Variants in RGL1 observed in about 807,000 individuals in gnomAD.
The protein encoded by RGL1 is ral guanine nucleotide dissociation stimulator like 1.
RGL1 carries 24 observed loss-of-function variants against 95.2 expected under a neutral mutation model. The ratio of observed to expected loss-of-function variants is 0.25; its 90% CI spans 0.18 to 0.35. RGL1 has a LOEUF of 0.35. Ranked by LOEUF, RGL1 falls within the 10% of genes least tolerant of loss-of-function variation. RGL1 has a pLI of 1.00. For synonymous variants in RGL1, 329 were observed against 344.9 expected (o/e 0.95, Z 0.51); for missense variants, 715 against 936.3 (o/e 0.76, Z 3.08).
chr1:183,816,180 A>C (rs996855723), intron 2 of RGL1, among the ~76,000 whole-genome samples: 1 of 152,186 alleles, frequency 6.6e-6, no homozygotes, highest in Non-Finnish European at 1.5e-5. Context: ...CAGTTTTCTA[A>C]AGTAATTTGT....
At chr1:183,756,061 T>C (rs1658315734) in intron 2 of RGL1, among the ~76,000 whole-genome samples, 1 of 152,010 alleles carries the variant, frequency 6.6e-6, no homozygotes, top group Non-Finnish European at 1.5e-5. Context: ...TTTTTTGTAT[T>C]TTTAGTAAAG....
rs765773266 is a variant in RGL1, at chr1:183,892,065, C to A, written c.1056-12C>A. The A allele has an allele frequency of 7.8e-5, 125 of 1,601,462 alleles. 2 individuals carry two copies. In the South Asian group the frequency reaches 1.4e-3, roughly 18 times the overall value. On this transcript the variant is annotated splice_polypyrimidine_tract_variant and intron_variant, in intron 8 of 17. Transcript: ENST00000360851. Reference sequence around the variant, plus strand: ...TCTTCATTGTTAATATTTTCTTAATCCCTTTTCATAGGGACCGAATGCTGA... The same window carrying A: ...TCTTCATTGTTAATATTTTCTTAATACCTTTTCATAGGGACCGAATGCTGA...
chr1:183,647,923 G>C, intron 1 of RGL1: 1 of 1,614,224 alleles, frequency 6.2e-7, no homozygotes, highest in Non-Finnish European at 8.5e-7. Flanking sequence ...GGAGCCCTGA[G>C]GTCTGGAGGT....
At chr1:183,641,554 GC>G (rs144754165) in intron 1 of RGL1, among the ~76,000 whole-genome samples, 10,440 of 151,730 alleles carry the variant, frequency 0.069, 621 homozygotes, top group African/African-American at 0.16. Flanking sequence ...ACAGGCATGA[GC>G]CCCCCCCACC....
At chr1:183,756,279 G>A (rs1464675183) in intron 2 of RGL1, among the ~76,000 whole-genome samples, 1 of 151,764 alleles carries the variant, frequency 6.6e-6, no homozygotes, top group Admixed American at 6.6e-5. Context: ...TTAAAGGAAA[G>A]GTAGAAACTA....
At chr1:183,878,733 T>A (rs1666660805) in intron 4 of RGL1, among the ~76,000 whole-genome samples, 1 of 152,210 alleles carries the variant, frequency 6.6e-6, no homozygotes, top group South Asian at 2.1e-4. Flanking sequence ...TTAGCATCAC[T>A]GACTCTTACC....
intron 1 of RGL1, among the ~76,000 whole-genome samples, chr1:183,717,276 C>T (rs1421995827): frequency 6.6e-6 from 1 of 152,188 alleles, no homozygotes; most frequent in Non-Finnish European, 1.5e-5. Context: ...ACTCAGCCTG[C>T]ATCTTGCATA....
At chr1:183,818,883 A>C (rs10752921) in intron 2 of RGL1, among the ~76,000 whole-genome samples, 70,023 of 152,062 alleles carry the variant, frequency 0.46, 17,422 homozygotes, top group Non-Finnish European at 0.56. Flanking sequence ...ATAACAATAA[A>C]AAAAAGAAAG....
intron 1 of RGL1, among the ~76,000 whole-genome samples, chr1:183,666,052 C>A (rs1338724221): frequency 7.0e-6 from 1 of 143,468 alleles, no homozygotes; most frequent in Non-Finnish European, 1.5e-5. Context: ...TTTGCCCAGG[C>A]TGGAGTGCAA....
Position 183,757,186 on chromosome 1 carries a change from G to A in RGL1, c.132+14897G>A, listed in dbSNP as rs12031450. 1.2e-3 allele frequency among the ~76,000 whole-genome samples: 188 copies of A among 152,300 alleles called. 6 individuals are homozygous for A. In the East Asian group the frequency reaches 0.034, roughly 27 times the overall value. ...CGTGAAATTAAACTGGCGAATGTCT[G>A]TATGGAGACTGGACATATGACCTCT... is the stretch of plus-strand genomic sequence containing the variant. On this transcript the variant is annotated intron_variant, in intron 2 of 18. Coordinates refer to the RGL1 transcript ENST00000304685.
At chr1:183,911,201 A>T (rs1668623402) in intron 14 of RGL1, among the ~76,000 whole-genome samples, 1 of 152,174 alleles carries the variant, frequency 6.6e-6, no homozygotes, top group Non-Finnish European at 1.5e-5. Flanking sequence ...CCCATAGACC[A>T]CATAAATAGC....
At chr1:183,901,633 T>C (rs575538351) in intron 11 of RGL1, among the ~76,000 whole-genome samples, 5 of 152,150 alleles carry the variant, frequency 3.3e-5, no homozygotes, top group Non-Finnish European at 7.4e-5. Flanking sequence ...CTGCCTGCTG[T>C]GGGGTATTTT....
chr1:183,678,570 T>G (rs1390862440), intron 1 of RGL1, among the ~76,000 whole-genome samples: 1 of 152,042 alleles, frequency 6.6e-6, no homozygotes, highest in Non-Finnish European at 1.5e-5. Flanking sequence ...GTTGGTGAGT[T>G]GAGCTACTTT....
chr1:183,775,172 T>C (rs960165623), intron 2 of RGL1, among the ~76,000 whole-genome samples: 15 of 152,216 alleles, frequency 9.9e-5, no homozygotes, highest in African/African-American at 3.6e-4. Flanking sequence ...ACTGTCTCAG[T>C]GATTGACTTT....
chr1:183,812,144 C>CACT lies in RGL1; in HGVS notation c.138+5662_138+5664dup, dbSNP rs1410437445. On this transcript the variant is annotated intron_variant, in intron 2 of 17. Transcript: ENST00000360851. The stretch of plus-strand genomic sequence containing the variant: ...TTTTATGTTAAGATATGCAAAAATG[C>CACT]ACTACATAGTAAAACATTCTAATTT... Among the ~76,000 whole-genome samples, 10 of 152,266 alleles carry CACT rather than the reference C, an allele frequency of 6.6e-5. 1 individual carries two copies. The South Asian group carries it at 1.9e-3, about 28-fold the overall frequency.
At chr1:183,913,410 G>C (rs181893499) in intron 15 of RGL1, among the ~76,000 whole-genome samples, 1 of 151,792 alleles carries the variant, frequency 6.6e-6, no homozygotes, top group African/African-American at 2.4e-5. Flanking sequence ...TGGCCAGGTT[G>C]GTCTCACACC....
At chr1:183,734,196 T>C (rs190515433) in intron 1 of RGL1, among the ~76,000 whole-genome samples, 2 of 152,352 alleles carry the variant, frequency 1.3e-5, no homozygotes, top group Admixed American at 6.5e-5. Context: ...TCTAGATCTT[T>C]GCATTCCTCC....
intron 8 of RGL1, among the ~76,000 whole-genome samples, chr1:183,891,665 C>T (rs913410644): frequency 9.3e-5 from 14 of 150,902 alleles, no homozygotes; most frequent in Non-Finnish European, 1.6e-4. Context: ...GTTCTGGCAT[C>T]GTCATCTCTA....
chr1:183,661,697 A>T (rs1651641067), intron 1 of RGL1, among the ~76,000 whole-genome samples: 1 of 149,596 alleles, frequency 6.7e-6, no homozygotes, highest in Non-Finnish European at 1.5e-5. Flanking sequence ...ATCCTCCCTA[A>T]CTCATTTTAT....
Sources: allele counts gnomAD v4.1 joint callset (sites outside exome capture counted in the v4.1 genomes callset), GRCh38; gene constraint gnomAD v4.1.1; transcripts MANE v1.5; gene names NCBI Gene and HGNC (gene_info 2026-07-23, HGNC 2026-07-21).